Variants in CCNY observed in about 807,000 individuals in gnomAD.
CCNY encodes cyclin-Y.
CCNY carries 19 observed loss-of-function variants against 42.8 expected under a neutral mutation model. The observed-to-expected ratio is 0.44, with a 90% CI of 0.31 to 0.65. The LOEUF (loss-of-function observed/expected upper bound fraction) is 0.65, where lower values mean the gene tolerates loss of function less well. Among genes scored for constraint, CCNY ranks in the 30% least tolerant of loss-of-function variants. The pLI is 0.07. For synonymous variants in CCNY, 165 were observed against 162.7 expected (o/e 1.01, Z -0.11); for missense variants, 370 against 437.3 (o/e 0.85, Z 1.37).
chr10:35,531,278 G>A (rs1034235778), intron 7 of CCNY, among the ~76,000 whole-genome samples: 1 of 152,192 alleles, frequency 6.6e-6, no homozygotes, highest in Non-Finnish European at 1.5e-5. Context: ...AGAGACAATT[G>A]TCTAGTAGAA....
At chr10:35,460,654 C>G (rs1045701007) in intron 1 of CCNY, among the ~76,000 whole-genome samples, 6 of 152,152 alleles carry the variant, frequency 3.9e-5, no homozygotes, top group Admixed American at 6.5e-5. Flanking sequence ...AGGAAATAAT[C>G]AGCATGAAAT....
intron 1 of CCNY, among the ~76,000 whole-genome samples, chr10:35,443,316 A>G (rs1454045488): frequency 2.0e-5 from 3 of 152,232 alleles, no homozygotes; most frequent in African/African-American, 7.2e-5. Context: ...TAAATTTTTA[A>G]AACTTTTTGA....
chr10:35,411,938 C>T lies in CCNY; in HGVS notation c.155-71466C>T, dbSNP rs1258187691. 4.6e-5 allele frequency among the ~76,000 whole-genome samples: 7 copies of T among 152,236 alleles called. No individual in the cohort carries two copies. The East Asian group carries it at 1.3e-3, about 29-fold the overall frequency. Reference sequence around the variant, plus strand: ...TTTCCTAACAAGCCTTAATTTCTTGCTCATATCATGGGAAGGTTGCAGGTG... The same window carrying T: ...TTTCCTAACAAGCCTTAATTTCTTGTTCATATCATGGGAAGGTTGCAGGTG... On this transcript the variant is annotated intron_variant, in intron 1 of 9. Coordinates refer to ENST00000374704, the MANE Select transcript of CCNY (RefSeq NM_145012.6).
Position 35,412,472 on chromosome 10 carries a change from G to A in CCNY, c.155-70932G>A, listed in dbSNP as rs978765911. On this transcript the variant is annotated intron_variant, in intron 1 of 9. Transcript: ENST00000374704. ...CCAAGTACAGAGGCTGCAGAGAAGA[G>A]GGTGGGAAGGGCTGGCAGCAGGGAA... Among the ~76,000 whole-genome samples the A allele has an allele frequency of 5.9e-5, 9 of 152,166 alleles. No homozygotes were observed. The South Asian group carries it at 6.2e-4, about 11-fold the overall frequency.
intron 1 of CCNY, among the ~76,000 whole-genome samples, chr10:35,481,835 CAG>C (rs1408011261): frequency 1.3e-5 from 2 of 152,226 alleles, no homozygotes; most frequent in African/African-American, 4.8e-5. Flanking sequence ...AACCTCCTTG[CAG>C]AGTCATTTTC....
intron 4 of CCNY, among the ~76,000 whole-genome samples, chr10:35,525,667 T>A (rs546322405): frequency 2.6e-5 from 4 of 152,160 alleles, no homozygotes; most frequent in African/African-American, 9.7e-5. Context: ...CTTTTTTTTT[T>A]CCCACAAGTG....
intron 8 of CCNY, among the ~76,000 whole-genome samples, chr10:35,564,221 T>A (rs1352399897): frequency 6.6e-6 from 1 of 152,014 alleles, no homozygotes; most frequent in African/African-American, 2.4e-5. Flanking sequence ...TAAATACATT[T>A]GGAGCTTGTT....
intron 1 of CCNY, among the ~76,000 whole-genome samples, chr10:35,356,604 T>C (rs1441101014): frequency 1.3e-5 from 2 of 152,164 alleles, no homozygotes; most frequent in Non-Finnish European, 2.9e-5. Flanking sequence ...GCCCACTCCT[T>C]AACCTCTTCA....
At chr10:35,491,588 C>A (rs1307002510) in intron 2 of CCNY, among the ~76,000 whole-genome samples, 1 of 152,154 alleles carries the variant, frequency 6.6e-6, no homozygotes, top group East Asian at 1.9e-4. Context: ...TCCTCTCCTG[C>A]CAGCTTCCTC....
chr10:35,413,154 A>G (rs1837950487), intron 1 of CCNY, among the ~76,000 whole-genome samples: 2 of 152,184 alleles, frequency 1.3e-5, no homozygotes, highest in African/African-American at 2.4e-5. Context: ...CTTGGGAGCT[A>G]GATTAGAAGA....
At chr10:35,559,213 A>G (rs528026054) in intron 8 of CCNY, among the ~76,000 whole-genome samples, 14 of 152,352 alleles carry the variant, frequency 9.2e-5, no homozygotes, top group Middle Eastern at 3.4e-3. Flanking sequence ...AGTGAGGAGC[A>G]TGTTCCTGGG....
chr10:35,272,467 G>C (rs1335850497), intron 3 of CCNY, among the ~76,000 whole-genome samples: 1 of 152,086 alleles, frequency 6.6e-6, no homozygotes, highest in Admixed American at 6.6e-5. Context: ...CACACCCTTT[G>C]TGTCCATGTG....
intron 3 of CCNY, among the ~76,000 whole-genome samples, chr10:35,505,913 A>G (rs1424124048): frequency 6.6e-6 from 1 of 152,190 alleles, no homozygotes; most frequent in African/African-American, 2.4e-5. Flanking sequence ...CTCTTAACAC[A>G]GTTCAGTTCC....
intron 1 of CCNY, among the ~76,000 whole-genome samples, chr10:35,460,429 GGAA>G (rs762535209): frequency 1.3e-5 from 2 of 148,480 alleles, no homozygotes; most frequent in Non-Finnish European, 3.0e-5. Flanking sequence ...GGGCCACATT[GGAA>G]GAAGAAGAAT....
intron 1 of CCNY, among the ~76,000 whole-genome samples, chr10:35,377,030 C>T (rs1177063260): frequency 1.3e-5 from 2 of 152,174 alleles, no homozygotes; most frequent in Admixed American, 1.3e-4. Flanking sequence ...TACAGTTAGG[C>T]ACCACATAAT....
chr10:35,318,200 C>T (rs905498997), intron 3 of CCNY, among the ~76,000 whole-genome samples: 3 of 151,770 alleles, frequency 2.0e-5, no homozygotes, highest in Non-Finnish European at 4.4e-5. Context: ...TGCACTCCAG[C>T]CAAGGTGACA....
At chr10:35,432,566 G>A (rs913388737) in intron 1 of CCNY, among the ~76,000 whole-genome samples, 3 of 152,180 alleles carry the variant, frequency 2.0e-5, no homozygotes, top group African/African-American at 7.2e-5. Context: ...TAATATTTAA[G>A]TACTTCTTCC....
intron 3 of CCNY, among the ~76,000 whole-genome samples, chr10:35,304,379 G>A (rs1467692144): frequency 2.8e-5 from 3 of 108,620 alleles, no homozygotes; most frequent in South Asian, 3.2e-4. Flanking sequence ...GCGGGATCTC[G>A]GCTCACTGCA....
chr10:35,365,017 C>T (rs561717361), intron 1 of CCNY, among the ~76,000 whole-genome samples: 2 of 152,262 alleles, frequency 1.3e-5, no homozygotes, highest in South Asian at 4.1e-4. Flanking sequence ...AATGTATTTC[C>T]TCGTGTTGGA....
Sources: allele counts gnomAD v4.1 joint callset (sites outside exome capture counted in the v4.1 genomes callset), GRCh38; gene constraint gnomAD v4.1.1; transcripts MANE v1.5; gene names NCBI Gene and HGNC (gene_info 2026-07-23, HGNC 2026-07-21).